Variants in KRT34 observed in about 807,000 individuals in gnomAD.
KRT34 encodes keratin 34, also known as keratin, type I cuticular Ha4.
Under a neutral mutation model 41.7 loss-of-function variants are expected in KRT34, and 31 were observed. The observed-to-expected ratio is 0.74, with a 90% CI of 0.56 to 1.00. The LOEUF is 1.00. Ranked by LOEUF, KRT34 falls within the 50% of genes least tolerant of loss-of-function variation. The pLI is 0.00. For missense variants in KRT34, 523 were observed against 500.3 expected (o/e 1.05, Z -0.43); for synonymous variants, 224 against 212.9 (o/e 1.05, Z -0.45).
At chr17:41,379,509 C>G (rs555321847) in intron 4 of KRT34, 31 bp from the exon 5 acceptor site, 4 of 1,614,166 alleles carry the variant, frequency 2.5e-6, no homozygotes, top group Non-Finnish European at 3.4e-6. Flanking sequence ...AAGGATCAGA[C>G]CCTGTCTCCA....
chr17:41,381,363 G>A (rs2017981419), intron 2 of KRT34, 151 bp from the exon 3 acceptor site: 3 of 817,256 alleles, frequency 3.7e-6, no homozygotes, highest in Non-Finnish European at 5.7e-6. Flanking sequence ...TCCATGGATA[G>A]GCTGAAGAGG....
chr17:41,379,771 A>G, intron 3 of KRT34, 40 bp from the exon 4 acceptor site: 1 of 1,552,284 alleles, frequency 6.4e-7, no homozygotes, highest in Non-Finnish European at 8.7e-7. Context: ...ACGGCAATGG[A>G]TCTGCCATTT....
chr17:41,378,232 T>G, intron 6 of KRT34, 86 bp from the exon 7 acceptor site: 1 of 856,694 alleles, frequency 1.2e-6, no homozygotes. Flanking sequence ...AACCTATGAA[T>G]TCTCAGTGGC....
intron 6 of KRT34, 94 bp downstream of exon 6, chr17:41,378,862 G>T: frequency 6.6e-7 from 1 of 1,519,990 alleles, no homozygotes; most frequent in Non-Finnish European, 9.1e-7. Flanking sequence ...GTTAATGTGT[G>T]TTGCCTGACT....
At position 41,378,010 on chromosome 17, in the gene KRT34, G is replaced by T. The variant is rs756980901; in HGVS notation, c.*49C>A. 2.2e-6 allele frequency: 3 copies of T among 1,381,340 alleles called. No homozygotes were observed. Among genetic ancestry groups the T allele is most frequent in the Non-Finnish European group, 3.1e-6 (3 of 970,470 alleles). The allele number at this position is 1,381,340 out of a possible 1,614,324, so 85.6% of individuals were successfully genotyped here. On this transcript the variant is annotated 3_prime_UTR_variant, in exon 7 of 7. Transcript: ENST00000394001. ...GTCAGGACTTGAGGATCCTTCCTGT[G>T]GTTGATCTAAATGGCTTTGTAGATG...
intron 3 of KRT34, 105 bp from the exon 4 acceptor site, chr17:41,379,836 T>TC: frequency 8.3e-7 from 1 of 1,208,720 alleles, no homozygotes; most frequent in Non-Finnish European, 1.1e-6. Context: ...AAAGGAATAT[T>TC]CTGATCATTC....
rs919238687 is a variant in KRT34 at position 41,378,137 on chromosome 17, G to A, written c.1107C>T (p.Cys369=). 57 of 1,613,220 alleles carry A rather than the reference G, an allele frequency of 3.5e-5. No individual in the cohort carries two copies. Among genetic ancestry groups the A allele is most frequent in the Non-Finnish European group, 4.6e-5 (54 of 1,179,392 alleles). ...TAGCATTGGTGGTGGCGCATGGGTTGCAGGGGAGCCTAGGAGGACAAGGAG... is the reference window on the plus strand; with the variant it reads ...TAGCATTGGTGGTGGCGCATGGGTTACAGGGGAGCCTAGGAGGACAAGGAG... ...LLESEDCKLP[C]NPCATTNASG... Residue 369 remains cysteine (C), a synonymous_variant, in exon 7 of 7, where the codon TGC becomes TGT. Coordinates refer to ENST00000394001, the MANE Select transcript of KRT34 (RefSeq NM_001386014.1).
intron 2 of KRT34, among the ~76,000 whole-genome samples, chr17:41,381,462 A>G (rs1164982972): frequency 6.6e-6 from 1 of 152,186 alleles, no homozygotes; most frequent in African/African-American, 2.4e-5. Flanking sequence ...TAGCTAATAT[A>G]CCACCAAATC....
At position 41,378,962 on chromosome 17, in the gene KRT34, T is replaced by G; in HGVS notation, c.1091A>C (p.Asp364Ala). ...NTYRSLLESEDCKLPCNPCAT... is the reference protein window; with the variant it reads ...NTYRSLLESEACKLPCNPCAT... ...TTATTTGCCCCATACTCACTTGCAG[T>G]CCTCACTCTCCAGGAGGCTCCGGTA... Residue 364 changes from aspartate (D) to alanine (A), a missense_variant, in exon 6 of 7, where the codon GAC (aspartate) becomes GCC (alanine). Transcript: ENST00000394001. The G allele has an allele frequency of 6.2e-7, 1 of 1,614,164 alleles. No individual in the cohort carries two copies. The highest frequency in any genetic ancestry group is 8.5e-7 in the Non-Finnish European group (1 of 1,179,998).
At chr17:41,380,496 C>T (rs979636890) in intron 3 of KRT34, among the ~76,000 whole-genome samples, 1 of 152,216 alleles carries the variant, frequency 6.6e-6, no homozygotes, top group Non-Finnish European at 1.5e-5. Context: ...TACCCAGATA[C>T]ACCCTGCCCT....
chr17:41,380,743 C>G (rs12943337), intron 3 of KRT34, among the ~76,000 whole-genome samples: 17,606 of 151,960 alleles, frequency 0.12, 1,387 homozygotes, highest in African/African-American at 0.23. Flanking sequence ...AGAAAAGGGC[C>G]ATGTCTTATT....
chr17:41,382,115 G>T lies in KRT34; in HGVS notation c.132C>A (p.Cys44Ter). The change falls in exon 1 of 7, where the codon TGC becomes TGA. Residue 44 changes from cysteine (C) to a stop codon, truncating the protein, a stop_gained. Transcript: ENST00000394001. LOFTEE classifies it high-confidence loss of function. ...ACNIPANVSN[C>*]NWFCEGSFNG... ...TGAAGGAGCCCTCACAGAACCAGTT[G>T]CAGTTGCTCACATTGGCGGGGATGT... 6.2e-7 allele frequency: 1 copy of T among 1,612,564 alleles called. No individual in the cohort carries two copies. The highest frequency in any genetic ancestry group is 8.5e-7 in the Non-Finnish European group (1 of 1,180,044).
In KRT34 at chr17:41,379,110, G is replaced by C. The variant is rs770634433; in HGVS notation, c.943C>G (p.Gln315Glu). The change falls in exon 6 of 7, where the codon CAG (glutamine) becomes GAG (glutamate). Residue 315 changes from glutamine to glutamate, a missense_variant. Gln to Glu is a conservative substitution (Grantham distance 29). Transcript: ENST00000394001. ...GACTCCACGTTGGTGATCAGGCTCT[G>C]CACCTGGGACAGCTGGGAGCTGTAG... The part of the protein sequence containing the change: ...AHYSSQLSQV[Q>E]SLITNVESQL... 3.1e-6 allele frequency: 5 copies of C among 1,614,248 alleles called. No homozygotes were observed. Among genetic ancestry groups the C allele is most frequent in the Non-Finnish European group, 4.2e-6 (5 of 1,180,048 alleles).
In KRT34 at chr17:41,378,989, G is replaced by A. The variant is rs748114147; in HGVS notation, c.1064C>T (p.Thr355Met). 52 of 1,614,104 alleles carry A rather than the reference G, an allele frequency of 3.2e-5. No homozygotes were observed. Among genetic ancestry groups the A allele is most frequent in the Non-Finnish European group, 4.2e-5 (49 of 1,180,052 alleles). Reference sequence around the variant, plus strand: ...CTCACTCTCCAGGAGGCTCCGGTACGTGTTGATCTCACACTCCAGCCGGGC... The same window carrying A: ...CTCACTCTCCAGGAGGCTCCGGTACATGTTGATCTCACACTCCAGCCGGGC... Reference protein sequence around the residue: ...VRARLECEINTYRSLLESEDC... With the variant: ...VRARLECEINMYRSLLESEDC... The change falls in exon 6 of 7, where the codon ACG becomes ATG. Residue 355 changes from threonine to methionine, a missense_variant. By Grantham distance (81) the Thr-to-Met change is moderately conservative (BLOSUM62 -1). Coordinates refer to ENST00000394001, the MANE Select transcript of KRT34 (RefSeq NM_001386014.1).
In KRT34 at chr17:41,381,106, C is replaced by T. The variant is rs2017972431; in HGVS notation, c.538G>A (p.Val180Met). 5 of 1,614,018 alleles carry T rather than the reference C, an allele frequency of 3.1e-6. No homozygotes were observed. Among genetic ancestry groups the T allele is most frequent in the African/African-American group, 2.7e-5 (2 of 74,934 alleles). The change falls in exon 3 of 7, where the codon GTG (valine) becomes ATG (methionine). Residue 180 changes from valine to methionine, a missense_variant. Val to Met is a conservative substitution (Grantham distance 21, BLOSUM62 1). Transcript: ENST00000394001. Reference protein sequence around the residue: ...TLCKSDLESQVESLREELICL... With the variant: ...TLCKSDLESQMESLREELICL... ...ATCAGCTCCTCCCTCAGGGACTCCA[C>T]CTGGGACTCCAGGTCAGACTTGCAG...
At chr17:41,381,307 C>G in intron 2 of KRT34, 95 bp from the exon 3 acceptor site, 1 of 1,336,948 alleles carries the variant, frequency 7.5e-7, no homozygotes, top group Non-Finnish European at 1.0e-6. Flanking sequence ...TCTTCTTGAA[C>G]TTACAGTTTT....
At chr17:41,378,275 T>C in intron 6 of KRT34, 129 bp from the exon 7 acceptor site, 1 of 696,902 alleles carries the variant, frequency 1.4e-6, no homozygotes, top group Non-Finnish European at 2.6e-6. Flanking sequence ...CTTTTTGTTT[T>C]GTTTTGTTTT....
chr17:41,382,493 C>T (rs1429388145), upstream of KRT34: 7 of 828,200 alleles, frequency 8.5e-6, no homozygotes, highest in African/African-American at 6.8e-5. Flanking sequence ...CCAGGCTCTT[C>T]CTGGGTGCTA....
rs1405164251 is a variant in KRT34 at position 41,382,198 on chromosome 17, A to G, written c.49T>C (p.Ser17Pro). ...LPSLGCRTSC[S>P]SRPCVPPSCH... is the part of the protein sequence containing the mutation. ...CTGGGGGGCACGCAGGGCCGGGAGG[A>G]GCAGCTGGTGCGGCAGCCCAGGCTG... The change falls in exon 1 of 7, where the codon TCC becomes CCC. Residue 17 changes from serine to proline, a missense_variant. Ser to Pro is a moderately conservative substitution (Grantham distance 74, BLOSUM62 -1). Coordinates refer to ENST00000394001, the MANE Select transcript of KRT34 (RefSeq NM_001386014.1). 1.2e-6 allele frequency: 2 copies of G among 1,612,358 alleles called. No homozygotes were observed. Among genetic ancestry groups the G allele is most frequent in the Non-Finnish European group, 1.7e-6 (2 of 1,180,004 alleles).
Sources: gnomAD v4.1 joint callset for allele counts (sites outside exome capture counted in the v4.1 genomes callset) on GRCh38, gnomAD v4.1.1 for gene constraint, MANE v1.5 for transcripts, NCBI Gene and HGNC (gene_info 2026-07-23, HGNC 2026-07-21) for gene names.